Variants in CNTNAP2 observed in about 807,000 individuals in gnomAD.
CNTNAP2 encodes contactin associated protein 2.
Under a neutral mutation model 155.2 loss-of-function variants are expected in CNTNAP2, and 98 were observed. The ratio of observed to expected loss-of-function variants is 0.63; its 90% CI spans 0.54 to 0.75. CNTNAP2 has a LOEUF of 0.75. CNTNAP2 is among the 30% of genes least tolerant of loss of function. The pLI, the probability that CNTNAP2 is intolerant of heterozygous loss-of-function variation, is 0.00. For synonymous variants in CNTNAP2, 651 were observed against 631.2 expected (o/e 1.03, Z -0.47); for missense variants, 1,727 against 1,688.1 (o/e 1.02, Z -0.40).
chr7:147,112,465 C>T (rs1033713844), intron 5 of CNTNAP2, among the ~76,000 whole-genome samples: 1 of 152,164 alleles, frequency 6.6e-6, no homozygotes, highest in Admixed American at 6.5e-5. Context: ...CTGTGGAATG[C>T]TTCCAGCTTT....
intron 3 of CNTNAP2, among the ~76,000 whole-genome samples, chr7:146,998,974 T>A (rs1315497889): frequency 1.3e-5 from 2 of 151,968 alleles, no homozygotes; most frequent in East Asian, 1.9e-4. Flanking sequence ...TGTCTTTTCA[T>A]TAGAGAATTT....
intron 21 of CNTNAP2, among the ~76,000 whole-genome samples, chr7:148,301,532 A>G (rs780653709): frequency 1.3e-5 from 2 of 152,054 alleles, no homozygotes; most frequent in Non-Finnish European, 2.9e-5. Flanking sequence ...AGCAAGTTGG[A>G]GAGATGAAAT....
At chr7:147,621,562 G>T (rs894988047) in intron 12 of CNTNAP2, among the ~76,000 whole-genome samples, 1 of 151,376 alleles carries the variant, frequency 6.6e-6, no homozygotes, top group Non-Finnish European at 1.5e-5. Flanking sequence ...AGTGTTAGTT[G>T]TTATCAGCTT....
At chr7:146,243,659 G>C (rs1325892080) in intron 1 of CNTNAP2, among the ~76,000 whole-genome samples, 1 of 152,042 alleles carries the variant, frequency 6.6e-6, no homozygotes, top group Non-Finnish European at 1.5e-5. Context: ...TTTGAACTTT[G>C]TAACTTAATG....
chr7:147,966,335 G>T (rs2116849253), intron 14 of CNTNAP2, among the ~76,000 whole-genome samples: 1 of 152,234 alleles, frequency 6.6e-6, no homozygotes, highest in South Asian at 2.1e-4. Flanking sequence ...ATGCTCTTTT[G>T]AGAAAACCAT....
At chr7:147,200,296 C>G (rs1397450459) in intron 8 of CNTNAP2, among the ~76,000 whole-genome samples, 1 of 152,182 alleles carries the variant, frequency 6.6e-6, no homozygotes, top group African/African-American at 2.4e-5. Context: ...AACCAACAAG[C>G]TTGCTAACTC....
At chr7:147,875,410 A>G (rs4725748) in intron 13 of CNTNAP2, among the ~76,000 whole-genome samples, 35,454 of 151,932 alleles carry the variant, frequency 0.23, 4,774 homozygotes, top group Middle Eastern at 0.38. Context: ...CTTATTCACT[A>G]TCATGAGAAC....
intron 1 of CNTNAP2, among the ~76,000 whole-genome samples, chr7:146,243,596 G>T (rs1799597694): frequency 6.6e-6 from 1 of 152,090 alleles, no homozygotes; most frequent in Admixed American, 6.6e-5. Context: ...TCTATTCAAA[G>T]AAAATATTTA....
chr7:147,235,705 T>C (rs2116626530), intron 8 of CNTNAP2, among the ~76,000 whole-genome samples: 1 of 152,328 alleles, frequency 6.6e-6, no homozygotes, highest in African/African-American at 2.4e-5. Context: ...AGCAGGTGTC[T>C]GTGTCCTTTC....
rs1022360660 is a variant in CNTNAP2 at position 146,624,781 on chromosome 7, G to T, written c.98-149490G>T. Among the ~76,000 whole-genome samples, 4 of 151,916 alleles carry T rather than the reference G, an allele frequency of 2.6e-5. No homozygotes were observed. The East Asian group carries it at 7.7e-4, about 29-fold the overall frequency. On this transcript the variant is annotated intron_variant, in intron 1 of 23. Transcript: ENST00000361727. ...AAGATAGCTTGCTGAGAGTTTGATT[G>T]GGATTGTGTTGAATCTATAGGTCAG...
chr7:147,768,874 T>TC (rs1157603776), intron 13 of CNTNAP2, among the ~76,000 whole-genome samples: 1 of 151,660 alleles, frequency 6.6e-6, no homozygotes, highest in African/African-American at 2.4e-5. Context: ...GCAAATAGCT[T>TC]TGCTAAATTA....
intron 18 of CNTNAP2, among the ~76,000 whole-genome samples, chr7:148,192,315 G>A (rs528852577): frequency 9.1e-4 from 138 of 152,090 alleles, no homozygotes; most frequent in Non-Finnish European, 1.8e-3. Context: ...TGTTTAGCTC[G>A]CACTTATAAA....
chr7:147,801,333 T>A (rs10242600), intron 13 of CNTNAP2, among the ~76,000 whole-genome samples: 68,326 of 139,956 alleles, frequency 0.49, 17,968 homozygotes, highest in African/African-American at 0.77. Flanking sequence ...TTTAATTTTT[T>A]TTTTTTTTTA....
chr7:147,003,382 G>T (rs1798464812), intron 3 of CNTNAP2, among the ~76,000 whole-genome samples: 1 of 151,634 alleles, frequency 6.6e-6, no homozygotes. Context: ...TAAACAAAAA[G>T]CGAGAAAAAA....
chr7:148,158,151 T>C (rs1463083371), intron 17 of CNTNAP2, among the ~76,000 whole-genome samples: 1 of 151,866 alleles, frequency 6.6e-6, no homozygotes, highest in Non-Finnish European at 1.5e-5. Context: ...TAATTGACTT[T>C]TGCAATTCCA....
At chr7:147,143,122 A>G (rs1434474548) in intron 8 of CNTNAP2, among the ~76,000 whole-genome samples, 5 of 152,118 alleles carry the variant, frequency 3.3e-5, no homozygotes, top group Admixed American at 6.6e-5. Context: ...TAGGTAATCA[A>G]TACTTTCATC....
chr7:146,721,628 C>CATTCTATATAT (rs1156666597), intron 1 of CNTNAP2, among the ~76,000 whole-genome samples: 1 of 86,388 alleles, frequency 1.2e-5, no homozygotes, highest in Non-Finnish European at 2.0e-5. Flanking sequence ...ATTCTATATA[C>CATTCTATATAT]ATTCTATATA....
In CNTNAP2 at chr7:146,483,282, AATATATATATATAT is replaced by A. The variant is rs200796835; in HGVS notation, c.98-290955_98-290942del. On this transcript the variant is annotated intron_variant, in intron 1 of 23. Transcript: ENST00000361727. ...CAGAGCAAGACTCCGTCTAAAAAAA[AATATATATATATAT>A]ATATATATATATATATATATATATA... Among the ~76,000 whole-genome samples the A allele has an allele frequency of 3.1e-3, 122 of 39,874 alleles. 2 individuals carry two copies. Among genetic ancestry groups the A allele is most frequent in the African/African-American group, 5.0e-3 (56 of 11,242 alleles). The allele number at this position is 39,874 out of a possible 152,430, so 26.2% of individuals were successfully genotyped here.
At chr7:147,555,520 A>G (rs1799936695) in intron 11 of CNTNAP2, among the ~76,000 whole-genome samples, 1 of 152,240 alleles carries the variant, frequency 6.6e-6, no homozygotes, top group South Asian at 2.1e-4. Context: ...ATGTTATATT[A>G]CAGCATTTCT....
Sources: gnomAD v4.1 joint callset for allele counts (sites outside exome capture counted in the v4.1 genomes callset) on GRCh38, gnomAD v4.1.1 for gene constraint, MANE v1.5 for transcripts, NCBI Gene and HGNC (gene_info 2026-07-23, HGNC 2026-07-21) for gene names.